The following HHLA1 variants were observed in gnomAD, a reference collection of about 807,000 sequenced individuals.
HHLA1 encodes HHLA1 neighbor of OC90.
HHLA1 carries 72 observed loss-of-function variants against 69.9 expected under a neutral mutation model. That is an observed-to-expected ratio of 1.03 (90% CI 0.85 to 1.25). The LOEUF (loss-of-function observed/expected upper bound fraction) is 1.25, where lower values mean the gene tolerates loss of function less well. Among genes scored for constraint, HHLA1 ranks in the 50% most tolerant of loss-of-function variants. The pLI is 0.00. For synonymous variants in HHLA1, 252 were observed against 233.2 expected (o/e 1.08, Z -0.73); for missense variants, 685 against 642.2 (o/e 1.07, Z -0.72).
At chr8:132,071,232 G>T in intron 15 of HHLA1, 108 bp downstream of exon 15, 1 of 933,360 alleles carries the variant, frequency 1.1e-6, no homozygotes, top group South Asian at 1.7e-5. Context: ...CCTACTGCCT[G>T]TCTGTGGATT....
intron 5 of HHLA1, among the ~76,000 whole-genome samples, chr8:132,097,417 C>G (rs1471217160): frequency 1.3e-5 from 2 of 152,172 alleles, no homozygotes; most frequent in Admixed American, 6.5e-5. Context: ...AATTCCAACT[C>G]TATGTGGCAA....
intron 10 of HHLA1, among the ~76,000 whole-genome samples, chr8:132,086,551 C>A (rs556151017): frequency 6.6e-6 from 1 of 151,932 alleles, no homozygotes; most frequent in East Asian, 1.9e-4. Flanking sequence ...TAAATATGTT[C>A]TCTCTTCCTA....
rs369954037 is a variant in HHLA1 at position 132,098,997 on chromosome 8, C to A, written c.200-35G>T. The stretch of plus-strand genomic sequence containing the variant: ...ATTCAGAGATAATGTCACTGGCAGG[C>A]TTTTCTCGGCAAGAGAAAAAGTTTC... On this transcript the variant is annotated intron_variant, in intron 4 of 16. Transcript: ENST00000414222. The A allele has an allele frequency of 1.6e-5, 23 of 1,409,708 alleles. No individual in the cohort carries two copies. In the African/African-American group the frequency reaches 3.4e-4, roughly 21 times the overall value. 87.3% of individuals were successfully genotyped at this position (1,409,708 alleles called of 1,614,324 possible). A position where few individuals can be genotyped will look rare whatever the true frequency, so the allele number is the denominator to read the frequency against.
chr8:132,097,954 C>T (rs1824049917), intron 5 of HHLA1, among the ~76,000 whole-genome samples: 1 of 152,146 alleles, frequency 6.6e-6, no homozygotes, highest in Non-Finnish European at 1.5e-5. Context: ...TTCTCCATCC[C>T]CCTTATTCTA....
intron 15 of HHLA1, among the ~76,000 whole-genome samples, chr8:132,071,054 C>G (rs1451780810): frequency 6.6e-6 from 1 of 152,130 alleles, no homozygotes; most frequent in African/African-American, 2.4e-5. Flanking sequence ...AACTCCAATT[C>G]AACTCAACTC....
chr8:132,064,261 C>T (rs1159327700), intron 16 of HHLA1, among the ~76,000 whole-genome samples: 4 of 152,178 alleles, frequency 2.6e-5, no homozygotes, highest in Non-Finnish European at 5.9e-5. Flanking sequence ...TGAGGAGCAG[C>T]CCGTATTTCT....
At chr8:132,064,514 C>G (rs1232190604) in intron 16 of HHLA1, among the ~76,000 whole-genome samples, 2 of 152,250 alleles carry the variant, frequency 1.3e-5, no homozygotes, top group East Asian at 3.9e-4. Flanking sequence ...CACCCCACCC[C>G]CACTCCTAAT....
intron 5 of HHLA1, 67 bp downstream of exon 5, chr8:132,098,815 G>A (rs1264386473): frequency 1.1e-5 from 11 of 957,018 alleles, no homozygotes; most frequent in East Asian, 8.0e-5. Flanking sequence ...GCAACAGAAA[G>A]GTTCAGAAAA....
chr8:132,087,287 A>C (rs1289776697), intron 10 of HHLA1, among the ~76,000 whole-genome samples: 2 of 152,314 alleles, frequency 1.3e-5, no homozygotes, highest in Middle Eastern at 3.4e-3. Context: ...CCAGGTCTCC[A>C]GCATGGGGTC....
chr8:132,078,143 G>C (rs1262174273), intron 11 of HHLA1, among the ~76,000 whole-genome samples, 172 bp from the exon 12 acceptor site: 2 of 150,298 alleles, frequency 1.3e-5, no homozygotes, highest in Non-Finnish European at 3.0e-5. Flanking sequence ...ATGGACCAAA[G>C]TAAGCATTGT....
intron 8 of HHLA1, among the ~76,000 whole-genome samples, chr8:132,088,203 G>A: frequency 6.6e-6 from 1 of 152,076 alleles, no homozygotes; most frequent in Middle Eastern, 3.2e-3. Flanking sequence ...GACTCAGTTT[G>A]CCCCTTTATA....
chr8:132,070,583 T>TA (rs535030759), intron 15 of HHLA1, among the ~76,000 whole-genome samples: 24 of 151,588 alleles, frequency 1.6e-4, no homozygotes, highest in Non-Finnish European at 3.4e-4. Context: ...CAATTCAACT[T>TA]ATCTCAACTC....
intron 11 of HHLA1, 28 bp from the exon 12 acceptor site, chr8:132,077,999 G>T (rs1823676982): frequency 1.3e-6 from 2 of 1,549,398 alleles, no homozygotes; most frequent in South Asian, 2.4e-5. Flanking sequence ...CAGTAACAGG[G>T]TACAGACATG....
chr8:132,076,590 C>T (rs764939352), intron 12 of HHLA1, 47 bp from the exon 13 acceptor site: 5 of 1,322,022 alleles, frequency 3.8e-6, no homozygotes, highest in Admixed American at 6.2e-5. Flanking sequence ...TTCTAGGGGG[C>T]CCTGAGGGAG....
intron 3 of HHLA1, 43 bp downstream of exon 3, chr8:132,104,065 C>T (rs1824162468): frequency 8.3e-6 from 12 of 1,446,142 alleles, no homozygotes; most frequent in African/African-American, 1.4e-5. Context: ...AGGAATTTGC[C>T]CAAGAACAGT....
chr8:132,094,204 A>G (rs565224845), intron 7 of HHLA1, among the ~76,000 whole-genome samples: 59 of 152,102 alleles, frequency 3.9e-4, no homozygotes, highest in Admixed American at 6.5e-4. Flanking sequence ...TTAATATTAG[A>G]CTAAGTGGGG....
chr8:132,075,469 G>T (rs1823618648), intron 14 of HHLA1, among the ~76,000 whole-genome samples: 1 of 152,192 alleles, frequency 6.6e-6, no homozygotes, highest in South Asian at 2.1e-4. Flanking sequence ...CCTCTGTCAG[G>T]AGTTCTGAAA....
chr8:132,065,451 T>G (rs1479093967), intron 16 of HHLA1, among the ~76,000 whole-genome samples: 1 of 152,120 alleles, frequency 6.6e-6, no homozygotes, highest in Non-Finnish European at 1.5e-5. Flanking sequence ...CTGGCTAGTT[T>G]TTTTGTGTTT....
chr8:132,096,344 A>C (rs560530934), intron 5 of HHLA1, among the ~76,000 whole-genome samples: 1 of 152,204 alleles, frequency 6.6e-6, no homozygotes, highest in Non-Finnish European at 1.5e-5. Flanking sequence ...CCGGCACAAC[A>C]CAAATAATCC....
Sources: allele counts gnomAD v4.1 joint callset (sites outside exome capture counted in the v4.1 genomes callset), GRCh38; gene constraint gnomAD v4.1.1; transcripts MANE v1.5; gene names NCBI Gene and HGNC (gene_info 2026-07-23, HGNC 2026-07-21).